Variants in MEGF10 observed in about 807,000 individuals in gnomAD.
The protein encoded by MEGF10 is multiple epidermal growth factor-like domains protein 10.
MEGF10 carries 86 observed loss-of-function variants against 147.5 expected under a neutral mutation model. The observed-to-expected ratio is 0.58, with a 90% CI of 0.49 to 0.70. The LOEUF is 0.70. Among genes scored for constraint, MEGF10 ranks in the 30% least tolerant of loss-of-function variants. The probability of loss-of-function intolerance (pLI) is 0.00; values close to 1 mark genes in which losing one functional copy is unlikely to be tolerated. For synonymous variants in MEGF10, 478 were observed against 525.5 expected, an observed-to-expected ratio of 0.91 and a Z score of 1.24; for missense variants, 1,329 against 1,487.3, an observed-to-expected ratio of 0.89 and a Z score of 1.75.
intron 20 of MEGF10, 76 bp from the exon 21 acceptor site, chr5:127,447,481 T>G: frequency 6.3e-7 from 1 of 1,597,016 alleles, no homozygotes; most frequent in Non-Finnish European, 8.6e-7. Flanking sequence ...TGGGCCTGTT[T>G]TGTTATTTTG....
intron 8 of MEGF10, among the ~76,000 whole-genome samples, chr5:127,403,494 A>C (rs1764207107): frequency 6.6e-6 from 1 of 152,160 alleles, no homozygotes; most frequent in Non-Finnish European, 1.5e-5. Flanking sequence ...GTTACTATTG[A>C]CCATAGTCAC....
At position 127,447,635 on chromosome 5, in the gene MEGF10, G is replaced by T; in HGVS notation, c.2807G>T (p.Cys936Phe). The stretch of plus-strand genomic sequence containing the variant: ...CCCAGTTACCACACGCTCACCCAGT[G>T]TGCCACATCCCCTCACGTCAACAAC... ...TNPSYHTLTQ[C>F]ATSPHVNNRD... Residue 936 changes from cysteine (C) to phenylalanine (F), a missense_variant, in exon 21 of 25, where the codon TGT (cysteine) becomes TTT (phenylalanine). Coordinates refer to ENST00000503335, the MANE Select transcript of MEGF10 (RefSeq NM_001256545.2). The T allele has an allele frequency of 6.2e-7, 1 of 1,614,134 alleles. No individual in the cohort carries two copies. Among genetic ancestry groups the T allele is most frequent in the South Asian group, 1.1e-5 (1 of 91,076 alleles).
At chr5:127,394,067 A>T (rs1271209113) in intron 5 of MEGF10, among the ~76,000 whole-genome samples, 1 of 152,172 alleles carries the variant, frequency 6.6e-6, no homozygotes, top group Non-Finnish European at 1.5e-5. Context: ...GTAATAACCC[A>T]CCGTGATTTT....
At chr5:127,367,957 C>A (rs1177510806) in intron 4 of MEGF10, among the ~76,000 whole-genome samples, 1 of 152,150 alleles carries the variant, frequency 6.6e-6, no homozygotes, top group Non-Finnish European at 1.5e-5. Context: ...CACTGTTAGA[C>A]CCAAGCCTAC....
At position 127,385,847 on chromosome 5, in the gene MEGF10, A is replaced by C. The variant is rs7715710; in HGVS notation, c.413-10685A>C. On this transcript the variant is annotated intron_variant, in intron 5 of 24. Coordinates refer to ENST00000503335, the MANE Select transcript of MEGF10 (RefSeq NM_001256545.2). ...TGGCTGTGTATGGTGGCTCATGACT[A>C]TAATCCCTGCACTTTGGGAGGCCCA... is the stretch of plus-strand genomic sequence containing the variant. Among the ~76,000 whole-genome samples, 8 of 152,328 alleles carry C rather than the reference A, an allele frequency of 5.3e-5. No homozygotes were observed. In the South Asian group the frequency reaches 1.7e-3, roughly 32 times the overall value.
chr5:127,256,315 T>C, the MEGF10 span, among the ~76,000 whole-genome samples: 1 of 152,222 alleles, frequency 6.6e-6, no homozygotes, highest in Admixed American at 6.5e-5. Flanking sequence ...ATTAAGTTGG[T>C]GAGTAAAAAC....
intron 1 of MEGF10, among the ~76,000 whole-genome samples, chr5:127,316,871 T>C (rs1048768936): frequency 1.3e-5 from 2 of 152,140 alleles, no homozygotes; most frequent in African/African-American, 4.8e-5. Flanking sequence ...AGAAGAAGAA[T>C]GACAAGGTTA....
chr5:127,425,412 C>T (rs1323930591), intron 13 of MEGF10, among the ~76,000 whole-genome samples: 1 of 152,192 alleles, frequency 6.6e-6, no homozygotes, highest in Non-Finnish European at 1.5e-5. Flanking sequence ...GTCATTATTG[C>T]TCCTAGACCA....
At chr5:127,435,299 G>A in intron 15 of MEGF10, 62 bp from the exon 16 acceptor site, 1 of 1,594,974 alleles carries the variant, frequency 6.3e-7, no homozygotes, top group South Asian at 1.1e-5. Flanking sequence ...CCTGTGCTAA[G>A]ATTCTAGGGT....
At chr5:127,328,543 A>T (rs935737368) in intron 1 of MEGF10, among the ~76,000 whole-genome samples, 2 of 152,238 alleles carry the variant, frequency 1.3e-5, no homozygotes, top group South Asian at 2.1e-4. Flanking sequence ...TGCATCAGAT[A>T]CAAAGCAAGA....
chr5:127,270,382 A>G, the MEGF10 span, among the ~76,000 whole-genome samples: 2 of 152,208 alleles, frequency 1.3e-5, no homozygotes, highest in African/African-American at 4.8e-5. Context: ...AAAGGGATGG[A>G]GGAAGATCTA....
intron 1 of MEGF10, among the ~76,000 whole-genome samples, chr5:127,292,140 A>G (rs1331382314): frequency 6.6e-6 from 1 of 152,158 alleles, no homozygotes; most frequent in African/African-American, 2.4e-5. Context: ...CGAGTGCTCC[A>G]AGAGGTCAGC....
intron 5 of MEGF10, among the ~76,000 whole-genome samples, chr5:127,377,508 T>C (rs1386575717): frequency 3.3e-5 from 5 of 152,222 alleles, no homozygotes; most frequent in Non-Finnish European, 7.3e-5. Context: ...TAAATATACT[T>C]GGCAGTAGTG....
At chr5:127,291,467 CT>C (rs758280703) in intron 1 of MEGF10, among the ~76,000 whole-genome samples, 1 of 152,112 alleles carries the variant, frequency 6.6e-6, no homozygotes, top group Non-Finnish European at 1.5e-5. Flanking sequence ...GTTGAACTTC[CT>C]TTCTGGGATC....
Position 127,440,899 on chromosome 5 carries a change from T to C in MEGF10, c.2362+32T>C, listed in dbSNP as rs544455206. The C allele has an allele frequency of 7.5e-6, 12 of 1,604,026 alleles. No homozygotes were observed. The Admixed American group carries it at 1.4e-4, about 18-fold the overall frequency. On this transcript the variant is annotated intron_variant, in intron 18 of 24. Coordinates refer to ENST00000503335, the MANE Select transcript of MEGF10 (RefSeq NM_001256545.2). ...ATGAGAGTGTGGCATCACTGGGTGG[T>C]ATTTTTTTCCTCTAGAATCACATTT...
At chr5:127,270,230 C>T in the MEGF10 span, among the ~76,000 whole-genome samples, 2 of 152,096 alleles carry the variant, frequency 1.3e-5, no homozygotes, top group African/African-American at 2.4e-5. Context: ...TCACACATAA[C>T]AATATTAACC....
intron 13 of MEGF10, among the ~76,000 whole-genome samples, chr5:127,428,902 G>T (rs1765299416): frequency 6.6e-6 from 1 of 152,196 alleles, no homozygotes; most frequent in Non-Finnish European, 1.5e-5. Flanking sequence ...AATGCATCAG[G>T]CATTAATTGC....
chr5:127,320,585 T>A (rs1412799784), intron 1 of MEGF10, among the ~76,000 whole-genome samples: 1 of 152,186 alleles, frequency 6.6e-6, no homozygotes, highest in Non-Finnish European at 1.5e-5. Flanking sequence ...TTTGCATACA[T>A]ATGCGATTGG....
chr5:127,398,741 A>G lies in MEGF10; in HGVS notation c.725A>G (p.Asn242Ser), dbSNP rs143420880. The G allele has an allele frequency of 6.2e-7, 1 of 1,614,026 alleles. No individual in the cohort carries two copies. Among genetic ancestry groups the G allele is most frequent in the East Asian group, 2.2e-5 (1 of 44,884 alleles). ...PQCEQRCPCQ[N>S]GGVCHHVTGE... ...TGTGAGCAGAGATGCCCTTGTCAAA[A>G]TGGAGGAGTGTGTCATCACGTCACT... Residue 242 changes from asparagine to serine, a missense_variant, in exon 7 of 25, where the codon AAT (asparagine) becomes AGT (serine). Physicochemically the swap from Asn to Ser is conservative, Grantham distance 46 (BLOSUM62 1). Transcript: ENST00000503335.
Sources: gnomAD v4.1 joint callset for allele counts (sites outside exome capture counted in the v4.1 genomes callset) on GRCh38, gnomAD v4.1.1 for gene constraint, MANE v1.5 for transcripts, NCBI Gene and HGNC (gene_info 2026-07-23, HGNC 2026-07-21) for gene names.